The following PHKB variants were observed in gnomAD, a reference collection of about 807,000 sequenced individuals.
PHKB encodes phosphorylase b kinase regulatory subunit beta.
A neutral mutation model predicts 152.1 loss-of-function variants in PHKB; 122 were observed. That is an observed-to-expected ratio of 0.80 (90% confidence interval 0.69 to 0.93). The LOEUF (loss-of-function observed/expected upper bound fraction) is 0.93. Among genes scored for constraint, PHKB ranks in the 40% least tolerant of loss-of-function variants. The probability of loss-of-function intolerance (pLI) is 0.00; values close to 1 mark genes in which losing one functional copy is unlikely to be tolerated. For missense variants in PHKB, 1,304 were observed against 1,328.4 expected (o/e 0.98, Z 0.29); for synonymous variants, 436 against 464.9 (o/e 0.94, Z 0.80).
chr16:47,634,764 A>T (rs1014936079), intron 14 of PHKB, among the ~76,000 whole-genome samples: 42 of 152,206 alleles, frequency 2.8e-4, no homozygotes, highest in Non-Finnish European at 8.8e-5. Context: ...GGTGGCTAAA[A>T]CATGGTGAAG....
At chr16:47,630,478 C>T (rs1453820580) in intron 14 of PHKB, among the ~76,000 whole-genome samples, 6 of 147,042 alleles carry the variant, frequency 4.1e-5, no homozygotes, top group South Asian at 2.1e-4. Context: ...GGGAAACTGT[C>T]GCAAAAAAAA....
chr16:47,647,208 C>G (rs2151729604), intron 16 of PHKB, among the ~76,000 whole-genome samples: 1 of 152,290 alleles, frequency 6.6e-6, no homozygotes. Flanking sequence ...ACTGCAACCT[C>G]TGCTTCCTGG....
At chr16:47,538,010 A>G (rs1970983957) in intron 6 of PHKB, among the ~76,000 whole-genome samples, 1 of 151,852 alleles carries the variant, frequency 6.6e-6, no homozygotes, top group Non-Finnish European at 1.5e-5. Context: ...TTCCCACCTC[A>G]GCCTCCCGAG....
chr16:47,554,357 GCCC>G (rs1170998644), intron 7 of PHKB, among the ~76,000 whole-genome samples: 1 of 151,232 alleles, frequency 6.6e-6, no homozygotes, highest in Non-Finnish European at 1.5e-5. Context: ...AATGGTGTAC[GCCC>G]CTTTCCCCAC....
At chr16:47,569,588 T>G (rs1971623865) in intron 7 of PHKB, among the ~76,000 whole-genome samples, 1 of 152,244 alleles carries the variant, frequency 6.6e-6, no homozygotes, top group African/African-American at 2.4e-5. Flanking sequence ...TACTGTGTTA[T>G]TGTTATAAGC....
At chr16:47,585,926 A>G (rs1971927003) in intron 8 of PHKB, among the ~76,000 whole-genome samples, 1 of 152,236 alleles carries the variant, frequency 6.6e-6, no homozygotes. Context: ...ATAGTTTGGT[A>G]TGCAATTAAC....
intron 1 of PHKB, 57 bp downstream of exon 1, chr16:47,461,483 C>T: frequency 6.3e-7 from 1 of 1,577,688 alleles, no homozygotes; most frequent in South Asian, 1.1e-5. Flanking sequence ...TGCTTCGCCT[C>T]AAGCGCCTTG....
At chr16:47,623,139 C>T (rs879601409) in intron 14 of PHKB, among the ~76,000 whole-genome samples, 13 of 152,212 alleles carry the variant, frequency 8.5e-5, no homozygotes, top group African/African-American at 2.9e-4. Flanking sequence ...GAATAATGAT[C>T]CCTAACTCAG....
In PHKB at chr16:47,554,777, C is replaced by A. The variant is rs531370848; in HGVS notation, c.710+7229C>A. On this transcript the variant is annotated intron_variant, in intron 7 of 30. Coordinates refer to ENST00000323584, the MANE Select transcript of PHKB (RefSeq NM_000293.3). ...TTCCTTTGGCTAGGGGAGGGAGTTC[C>A]CTGAAGCCTTGCATTTCCTGGGAGA... is the stretch of plus-strand genomic sequence containing the variant. 8.4e-4 allele frequency among the ~76,000 whole-genome samples: 128 copies of A among 152,260 alleles called. 1 individual carries two copies. Among genetic ancestry groups the A allele is most frequent in the African/African-American group, 2.9e-3 (122 of 41,558 alleles).
chr16:47,603,231 C>T (rs978200546), intron 13 of PHKB, among the ~76,000 whole-genome samples: 1 of 152,138 alleles, frequency 6.6e-6, no homozygotes, highest in Non-Finnish European at 1.5e-5. Flanking sequence ...ACGTGGTTTT[C>T]TTACTGCTCC....
intron 7 of PHKB, among the ~76,000 whole-genome samples, chr16:47,556,447 A>G (rs1357024434): frequency 2.6e-5 from 4 of 152,318 alleles, no homozygotes; most frequent in Non-Finnish European, 4.4e-5. Context: ...TGTCTCATCA[A>G]TACCTAATTT....
intron 7 of PHKB, among the ~76,000 whole-genome samples, chr16:47,577,426 A>G (rs1971768386): frequency 6.6e-6 from 1 of 152,110 alleles, no homozygotes; most frequent in Non-Finnish European, 1.5e-5. Flanking sequence ...GTATTTACCC[A>G]TATTTATGCT....
At chr16:47,578,541 T>C (rs1971787842) in intron 7 of PHKB, among the ~76,000 whole-genome samples, 1 of 152,194 alleles carries the variant, frequency 6.6e-6, no homozygotes, top group Non-Finnish European at 1.5e-5. Context: ...TTATTTTTGT[T>C]GACATCCAGG....
At chr16:47,565,936 C>A in intron 7 of PHKB, 1 of 967,836 alleles carries the variant, frequency 1.0e-6, no homozygotes, top group Non-Finnish European at 1.6e-6. Flanking sequence ...GGACCTCTAT[C>A]ATCACGCCTA....
chr16:47,592,005 A>G (rs937460451), intron 10 of PHKB, among the ~76,000 whole-genome samples: 1 of 152,140 alleles, frequency 6.6e-6, no homozygotes, highest in African/African-American at 2.4e-5. Flanking sequence ...GGGTTATCAC[A>G]ATATAGTAGG....
intron 7 of PHKB, among the ~76,000 whole-genome samples, chr16:47,573,608 G>T (rs940820364): frequency 2.0e-5 from 3 of 152,126 alleles, no homozygotes; most frequent in African/African-American, 4.8e-5. Flanking sequence ...ATGCAAAACT[G>T]CCCCTGGTTG....
intron 7 of PHKB, among the ~76,000 whole-genome samples, chr16:47,573,582 G>A (rs1459783837): frequency 6.6e-6 from 1 of 152,170 alleles, no homozygotes; most frequent in Non-Finnish European, 1.5e-5. Flanking sequence ...TGGGTCCCAG[G>A]CAGTCTGCCC....
chr16:47,639,075 G>C (rs1972971212), intron 14 of PHKB, among the ~76,000 whole-genome samples: 1 of 152,116 alleles, frequency 6.6e-6, no homozygotes, highest in Non-Finnish European at 1.5e-5. Flanking sequence ...AGGAGTTCAA[G>C]ACCAGTCTTG....
intron 7 of PHKB, among the ~76,000 whole-genome samples, chr16:47,549,964 G>T (rs1259589667): frequency 1.3e-5 from 2 of 152,090 alleles, no homozygotes; most frequent in Non-Finnish European, 2.9e-5. Flanking sequence ...TGTTCAAATG[G>T]ATGAGAGATG....
Sources: allele counts gnomAD v4.1 joint callset (sites outside exome capture counted in the v4.1 genomes callset), GRCh38; gene constraint gnomAD v4.1.1; transcripts MANE v1.5; gene names NCBI Gene and HGNC (gene_info 2026-07-23, HGNC 2026-07-21).